Variants in TRPS1 observed in about 807,000 individuals in gnomAD.
The protein encoded by TRPS1 is zinc finger transcription factor Trps1.
TRPS1 carries 6 observed loss-of-function variants against 101.2 expected under a neutral mutation model. The observed-to-expected ratio is 0.06, with a 90% CI of 0.03 to 0.12. TRPS1 has a LOEUF of 0.12. TRPS1 is among the 10% of genes least tolerant of loss of function. The probability of loss-of-function intolerance (pLI) is 1.00; values close to 1 mark genes in which losing one functional copy is unlikely to be tolerated. For missense variants in TRPS1, 1,363 were observed against 1,567.0 expected (o/e 0.87, Z 2.20); for synonymous variants, 578 against 589.8 (o/e 0.98, Z 0.29).
intron 6 of TRPS1, among the ~76,000 whole-genome samples, chr8:115,416,878 T>A (rs1423995832): frequency 1.3e-5 from 2 of 152,158 alleles, no homozygotes; most frequent in Non-Finnish European, 2.9e-5. Context: ...ATTATAAACA[T>A]ATGCATTATT....
At chr8:115,502,188 CAAG>C (rs1465192738) in intron 5 of TRPS1, among the ~76,000 whole-genome samples, 128 of 152,102 alleles carry the variant, frequency 8.4e-4, no homozygotes, top group African/African-American at 2.9e-3. Flanking sequence ...AATACAGTCA[CAAG>C]ATCAGGGCAA....
At chr8:115,525,339 A>G (rs1815969843) in intron 5 of TRPS1, among the ~76,000 whole-genome samples, 2 of 152,134 alleles carry the variant, frequency 1.3e-5, no homozygotes, top group Non-Finnish European at 2.9e-5. Context: ...TAAAGTAAGA[A>G]TTTGTCTATA....
Position 115,658,314 on chromosome 8 carries a change from G to A in TRPS1, c.-122+10231C>T, listed in dbSNP as rs139329375. ...GAATGCCTTGAGTCACGCAAAGCCG[G>A]AACTGATGAGTGTGACCCCAGTGGG... On this transcript the variant is annotated intron_variant, in intron 1 of 6. Transcript: ENST00000395715. Among the ~76,000 whole-genome samples, 365 of 152,170 alleles carry A rather than the reference G, an allele frequency of 2.4e-3. 2 individuals carry two copies. Among genetic ancestry groups the A allele is most frequent in the Middle Eastern group, 0.024 (7 of 294 alleles).
At chr8:115,497,063 A>G (rs1171239447) in intron 5 of TRPS1, among the ~76,000 whole-genome samples, 1 of 152,226 alleles carries the variant, frequency 6.6e-6, no homozygotes, top group African/African-American at 2.4e-5. Context: ...TGGGAATCAA[A>G]TATGTTCACT....
At chr8:115,484,090 G>A (rs559373004) in intron 5 of TRPS1, among the ~76,000 whole-genome samples, 1 of 152,024 alleles carries the variant, frequency 6.6e-6, no homozygotes, top group Non-Finnish European at 1.5e-5. Flanking sequence ...ATGGGATGAG[G>A]TCATGATAAA....
intron 1 of TRPS1, among the ~76,000 whole-genome samples, chr8:115,665,053 C>T (rs569345876): frequency 1.4e-4 from 22 of 152,176 alleles, no homozygotes; most frequent in Non-Finnish European, 2.9e-4. Flanking sequence ...CACGTAATAG[C>T]ATAGTGTTGT....
intron 5 of TRPS1, among the ~76,000 whole-genome samples, chr8:115,479,288 G>C (rs1814693656): frequency 6.6e-6 from 1 of 151,992 alleles, no homozygotes; most frequent in South Asian, 2.1e-4. Flanking sequence ...TGGTACAGGA[G>C]GCAACAACAG....
At chr8:115,638,961 GCA>G (rs1205879285) in intron 1 of TRPS1, among the ~76,000 whole-genome samples, 1 of 152,162 alleles carries the variant, frequency 6.6e-6, no homozygotes, top group East Asian at 1.9e-4. Context: ...CTAACAGGTA[GCA>G]CACAAAGTGG....
chr8:115,422,663 G>T (rs939670220), intron 5 of TRPS1, among the ~76,000 whole-genome samples: 4 of 152,160 alleles, frequency 2.6e-5, no homozygotes, highest in Non-Finnish European at 4.4e-5. Context: ...ACCGCACCCA[G>T]CCCCACATGT....
intron 3 of TRPS1, among the ~76,000 whole-genome samples, chr8:115,608,921 C>A (rs1818101306): frequency 6.8e-6 from 1 of 147,340 alleles, no homozygotes; most frequent in Non-Finnish European, 1.5e-5. Flanking sequence ...TCTCCGCTCA[C>A]TGTCACCTCT....
At chr8:115,597,586 A>C (rs1817816656) in intron 4 of TRPS1, among the ~76,000 whole-genome samples, 1 of 152,066 alleles carries the variant, frequency 6.6e-6, no homozygotes, top group African/African-American at 2.4e-5. Context: ...CAGGTGTGAT[A>C]ATTTGTTGCT....
Position 115,410,295 on chromosome 8 carries a change from A to G in TRPS1, c.*3728T>C, listed in dbSNP as rs1282595427. 2 of 152,472 alleles carry G rather than the reference A, an allele frequency of 1.3e-5. No individual in the cohort carries two copies. The highest frequency in any genetic ancestry group is 2.9e-5 in the Non-Finnish European group (2 of 67,992). The allele number at this position is 152,472 out of a possible 1,614,324, so 9.4% of individuals were successfully genotyped here. A position where few individuals can be genotyped will look rare whatever the true frequency, so the allele number is the denominator to read the frequency against. On this transcript the variant is annotated 3_prime_UTR_variant, in exon 7 of 7. Coordinates refer to ENST00000395715, the MANE Select transcript of TRPS1 (RefSeq NM_014112.5). ...CTGTATTTGCATTGGATCATAATAG[A>G]TTATGTGCACATGTGCAATTATAAA...
Position 115,584,076 on chromosome 8 carries a change from TTTAA to T in TRPS1, c.2700+2921_2700+2924del, listed in dbSNP as rs1426148024. On this transcript the variant is annotated intron_variant, in intron 5 of 6. Transcript: ENST00000395715. ...AAGACTAATATGCTGAAAGCAACAT[TTTAA>T]TTATGTGCTTTGTAACACAATCCTA... Among the ~76,000 whole-genome samples the T allele has an allele frequency of 5.3e-5, 8 of 152,190 alleles. No homozygotes were observed. The East Asian group carries it at 1.3e-3, about 26-fold the overall frequency.
chr8:115,459,819 T>C (rs1355609812), intron 5 of TRPS1, among the ~76,000 whole-genome samples: 1 of 152,224 alleles, frequency 6.6e-6, no homozygotes, highest in African/African-American at 2.4e-5. Flanking sequence ...AGCTTGGATT[T>C]TGCCAGAATG....
chr8:115,499,352 C>G (rs185903640), intron 5 of TRPS1, among the ~76,000 whole-genome samples: 9 of 151,978 alleles, frequency 5.9e-5, no homozygotes, highest in Non-Finnish European at 1.0e-4. Context: ...AACAATTTTT[C>G]GTTGTTTTCA....
chr8:115,468,463 C>A (rs1405990384), intron 5 of TRPS1, among the ~76,000 whole-genome samples: 2 of 152,142 alleles, frequency 1.3e-5, no homozygotes, highest in African/African-American at 4.8e-5. Context: ...ATGAGAGGGA[C>A]AGGATGGAAA....
chr8:115,547,845 A>G (rs1313746882), intron 5 of TRPS1, among the ~76,000 whole-genome samples: 8 of 152,258 alleles, frequency 5.3e-5, no homozygotes, highest in Non-Finnish European at 7.4e-5. Flanking sequence ...CCTGAGAACT[A>G]AACTGTGCTG....
intron 1 of TRPS1, among the ~76,000 whole-genome samples, chr8:115,659,297 A>T (rs1811742500): frequency 6.6e-6 from 1 of 151,922 alleles, no homozygotes; most frequent in African/African-American, 2.4e-5. Context: ...CTAAGTTTGC[A>T]GAACTGAGGA....
At chr8:115,634,388 C>G (rs994031662) in intron 1 of TRPS1, among the ~76,000 whole-genome samples, 6 of 152,066 alleles carry the variant, frequency 3.9e-5, no homozygotes, top group African/African-American at 7.2e-5. Context: ...AATAAGCCTA[C>G]ACATGGAAAG....
Sources: gnomAD v4.1 joint callset for allele counts (sites outside exome capture counted in the v4.1 genomes callset) on GRCh38, gnomAD v4.1.1 for gene constraint, MANE v1.5 for transcripts, NCBI Gene and HGNC (gene_info 2026-07-23, HGNC 2026-07-21) for gene names.